ARID4A: variants seen among roughly 807,000 people sequenced by gnomAD.
ARID4A encodes the protein AT-rich interactive domain-containing protein 4A.
A neutral mutation model predicts 148.6 loss-of-function variants in ARID4A; 39 were observed. The ratio of observed to expected loss-of-function variants is 0.26; its 90% CI spans 0.20 to 0.34. ARID4A has a LOEUF of 0.34. Ranked by LOEUF, ARID4A falls within the 10% of genes least tolerant of loss-of-function variation. The probability of loss-of-function intolerance (pLI) is 1.00; values close to 1 mark genes in which losing one functional copy is unlikely to be tolerated. For missense variants in ARID4A, 1,265 were observed against 1,449.1 expected, an observed-to-expected ratio of 0.87 and a Z score of 2.06; for synonymous variants, 475 against 481.2, an observed-to-expected ratio of 0.99 and a Z score of 0.17.
intron 11 of ARID4A, among the ~76,000 whole-genome samples, chr14:58,343,547 G>A (rs966796842): frequency 1.3e-5 from 2 of 152,168 alleles, no homozygotes; most frequent in Non-Finnish European, 2.9e-5. Flanking sequence ...CAAAAATCCA[G>A]GCTGGGTGCT....
At chr14:58,324,522 C>G (rs1385756034) in intron 8 of ARID4A, among the ~76,000 whole-genome samples, 4 of 152,170 alleles carry the variant, frequency 2.6e-5, no homozygotes, top group African/African-American at 9.7e-5. Flanking sequence ...CTCAAGCAAT[C>G]TTCTCACTTT....
rs1383994237 is a variant in ARID4A at position 58,371,938 on chromosome 14, T to C, written c.3723T>C (p.Ser1241=). ...MSSASSDTGM[S]PSSSSPPQNV... ...CTGCTTCATCAGACACTGGAATGAG[T>C]CCCTCATCATCATCTCCCCCACAAA... The change falls in exon 24 of 24, where the codon AGT becomes AGC. Residue 1241 remains serine (S), a synonymous_variant. Transcript: ENST00000355431. The C allele has an allele frequency of 1.4e-5, 22 of 1,613,022 alleles. No individual in the cohort carries two copies. The highest frequency in any genetic ancestry group is 1.9e-5 in the Non-Finnish European group (22 of 1,179,218).
intron 21 of ARID4A, 133 bp downstream of exon 21, chr14:58,365,755 T>C: frequency 1.2e-6 from 1 of 830,928 alleles, no homozygotes; most frequent in Non-Finnish European, 1.8e-6. Context: ...TTATACTAGA[T>C]ATTTTGCCAT....
At chr14:58,348,429 A>T (rs905970272) in intron 15 of ARID4A, among the ~76,000 whole-genome samples, 1 of 152,194 alleles carries the variant, frequency 6.6e-6, no homozygotes, top group Admixed American at 6.5e-5. Flanking sequence ...TCACCTCTTT[A>T]TAGTGCCTGT....
chr14:58,337,081 G>A (rs913930451), intron 11 of ARID4A, among the ~76,000 whole-genome samples: 2 of 150,226 alleles, frequency 1.3e-5, no homozygotes, highest in Middle Eastern at 3.5e-3. Flanking sequence ...TAGTAGGGAC[G>A]AGGTTTCACC....
At chr14:58,366,376 A>G (rs1475664368) in intron 22 of ARID4A, 146 bp downstream of exon 22, 1 of 688,592 alleles carries the variant, frequency 1.5e-6, no homozygotes, top group Non-Finnish European at 2.4e-6. Flanking sequence ...GAATCACCAC[A>G]TGTTGTCTTA....
intron 5 of ARID4A, among the ~76,000 whole-genome samples, chr14:58,317,841 C>A (rs1210095427): frequency 6.6e-6 from 1 of 151,736 alleles, no homozygotes; most frequent in Non-Finnish European, 1.5e-5. Context: ...ACCTTTATTT[C>A]TAAACTTCTC....
chr14:58,349,452 C>G (rs533813122), intron 15 of ARID4A, among the ~76,000 whole-genome samples: 2 of 151,182 alleles, frequency 1.3e-5, no homozygotes, highest in African/African-American at 4.9e-5. Flanking sequence ...CGAGACCAGC[C>G]TCGCCAATAT....
Position 58,346,884 on chromosome 14 carries a change from C to T in ARID4A, c.1075-136C>T, listed in dbSNP as rs559498321. ...TCGAGGCTGCAGTGAGCCCTGATTG[C>T]ACCACTGCTCTCCAGCCTGGGCGAC... On this transcript the variant is annotated intron_variant, in intron 13 of 23. Transcript: ENST00000355431. 9.9e-6 allele frequency: 4 copies of T among 404,750 alleles called. No individual in the cohort carries two copies. The Admixed American group carries it at 2.2e-4, about 23-fold the overall frequency. 25.1% of individuals were successfully genotyped at this position (404,750 alleles called of 1,614,324 possible).
intron 8 of ARID4A, among the ~76,000 whole-genome samples, chr14:58,324,156 G>T (rs370036905): frequency 6.6e-6 from 1 of 151,926 alleles, no homozygotes; most frequent in Non-Finnish European, 1.5e-5. Context: ...CGCCCACCTC[G>T]GCCTCCAAAG....
chr14:58,359,086 T>G (rs556115866), intron 17 of ARID4A, 46 bp from the exon 18 acceptor site: 1 of 1,527,022 alleles, frequency 6.5e-7, no homozygotes, highest in Non-Finnish European at 8.8e-7. Flanking sequence ...AAGGTTATAA[T>G]GTATAAAGTT....
intron 11 of ARID4A, among the ~76,000 whole-genome samples, chr14:58,335,324 T>C (rs1223648231): frequency 6.6e-6 from 1 of 151,882 alleles, no homozygotes; most frequent in Non-Finnish European, 1.5e-5. Context: ...TTTTTTTTTT[T>C]TTTTAAGAGA....
At chr14:58,334,293 T>A (rs904955413) in intron 11 of ARID4A, among the ~76,000 whole-genome samples, 1 of 152,198 alleles carries the variant, frequency 6.6e-6, no homozygotes, top group African/African-American at 2.4e-5. Flanking sequence ...GATTAAAATG[T>A]GTACCTTTTC....
chr14:58,317,124 C>G (rs1327576510), intron 5 of ARID4A, among the ~76,000 whole-genome samples: 1 of 140,472 alleles, frequency 7.1e-6, no homozygotes, highest in Non-Finnish European at 1.5e-5. Context: ...ACCCGGGAGG[C>G]GGAGCTTGCA....
At chr14:58,314,528 T>G (rs2032275461) in intron 5 of ARID4A, among the ~76,000 whole-genome samples, 1 of 152,188 alleles carries the variant, frequency 6.6e-6, no homozygotes, top group African/African-American at 2.4e-5. Context: ...TGGGATCATG[T>G]GATCCTCCTA....
At chr14:58,329,772 A>G (rs182929074) in intron 10 of ARID4A, among the ~76,000 whole-genome samples, 168 bp downstream of exon 10, 1 of 152,272 alleles carries the variant, frequency 6.6e-6, no homozygotes, top group East Asian at 1.9e-4. Context: ...TTGATTTGTG[A>G]TTAGATAAGT....
At chr14:58,305,850 C>G (rs1464589221) in intron 4 of ARID4A, among the ~76,000 whole-genome samples, 172 bp from the exon 5 acceptor site, 1 of 152,062 alleles carries the variant, frequency 6.6e-6, no homozygotes, top group Non-Finnish European at 1.5e-5. Context: ...TTTTGGAGCT[C>G]AAATTGCATA....
intron 2 of ARID4A, 55 bp downstream of exon 2, chr14:58,299,915 A>T: frequency 6.2e-7 from 1 of 1,608,984 alleles, no homozygotes; most frequent in Non-Finnish European, 8.5e-7. Context: ...GCCAATCCTA[A>T]GGCTAGTGCC....
intron 19 of ARID4A, among the ~76,000 whole-genome samples, chr14:58,362,796 G>C (rs557776636): frequency 6.6e-6 from 1 of 152,090 alleles, no homozygotes; most frequent in Non-Finnish European, 1.5e-5. Flanking sequence ...GACCTCAAGT[G>C]ATGTACCCGC....
Sources: allele counts gnomAD v4.1 joint callset (sites outside exome capture counted in the v4.1 genomes callset), GRCh38; gene constraint gnomAD v4.1.1; transcripts MANE v1.5; gene names NCBI Gene and HGNC (gene_info 2026-07-23, HGNC 2026-07-21).